The following LIN7A variants were observed in gnomAD, a reference collection of about 807,000 sequenced individuals.
The protein encoded by LIN7A is protein lin-7 homolog A.
In LIN7A, 25 loss-of-function variants were observed where a neutral mutation model predicts 29.8. That is an observed-to-expected ratio of 0.84 (90% CI 0.61 to 1.17). LIN7A has a LOEUF of 1.17. LIN7A is among the 50% of genes most tolerant of loss of function. The pLI is 0.00. For synonymous variants in LIN7A, 118 were observed against 107.5 expected, an observed-to-expected ratio of 1.10 and a Z score of -0.60; for missense variants, 239 against 287.0, an observed-to-expected ratio of 0.83 and a Z score of 1.21.
At chr12:80,800,694 T>C (rs887303500) in intron 5 of LIN7A, among the ~76,000 whole-genome samples, 12 of 152,112 alleles carry the variant, frequency 7.9e-5, no homozygotes, top group African/African-American at 2.9e-4. Context: ...CAATTGTCTA[T>C]AATTGCTTTC....
intron 1 of LIN7A, among the ~76,000 whole-genome samples, chr12:80,895,398 A>C (rs183235344): frequency 6.6e-6 from 1 of 152,344 alleles, no homozygotes; most frequent in Admixed American, 6.5e-5. Flanking sequence ...CATGAACTCG[A>C]TTGACATTTA....
At chr12:80,882,835 T>C (rs1875131531) in intron 2 of LIN7A, among the ~76,000 whole-genome samples, 1 of 152,188 alleles carries the variant, frequency 6.6e-6, no homozygotes, top group African/African-American at 2.4e-5. Flanking sequence ...TTTCTGACAA[T>C]CCTATGTAGT....
intron 2 of LIN7A, among the ~76,000 whole-genome samples, chr12:80,880,788 G>GAC (rs150440166): frequency 3.2e-3 from 394 of 122,538 alleles, no homozygotes; most frequent in Middle Eastern, 0.027. Flanking sequence ...CACACACACA[G>GAC]ACACACACAC....
intron 2 of LIN7A, among the ~76,000 whole-genome samples, chr12:80,888,208 A>T (rs1484142482): frequency 2.6e-5 from 4 of 152,176 alleles, no homozygotes; most frequent in African/African-American, 9.6e-5. Flanking sequence ...CCTGATAAAT[A>T]TTTAGCACAA....
At chr12:80,936,099 A>T (rs146436490) in intron 1 of LIN7A, among the ~76,000 whole-genome samples, 4 of 152,306 alleles carry the variant, frequency 2.6e-5, no homozygotes, top group East Asian at 3.9e-4. Flanking sequence ...GGAAGCTCAT[A>T]GTTTCTGATA....
At position 80,912,953 on chromosome 12, in the gene LIN7A, A is replaced by G. The variant is rs542672016; in HGVS notation, c.83-23584T>C. Among the ~76,000 whole-genome samples, 438 of 152,274 alleles carry G rather than the reference A, an allele frequency of 2.9e-3. 4 individuals are homozygous for G. The highest frequency in any genetic ancestry group is 3.9e-3 in the Non-Finnish European group (264 of 68,018). On this transcript the variant is annotated intron_variant, in intron 1 of 5. Transcript: ENST00000552864. ...AAAACACTCATGTTTCTTATTAAAA[A>G]TGTTCAGAATTTATTGTTTTTATTT...
At chr12:80,927,155 C>CTTTTTTTTTTTTTTTTTTTTTTT (rs929026269) in intron 1 of LIN7A, among the ~76,000 whole-genome samples, 1 of 75,532 alleles carries the variant, frequency 1.3e-5, no homozygotes, top group Non-Finnish European at 2.3e-5. Flanking sequence ...TTTTCTTTTT[C>CTTTTTTTTTTTTTTTTTTTTTTT]TTTTTTTTTT....
intron 4 of LIN7A, among the ~76,000 whole-genome samples, chr12:80,826,150 A>AT (rs1253222181): frequency 5.9e-5 from 9 of 152,238 alleles, no homozygotes; most frequent in Middle Eastern, 3.2e-3. Context: ...ATTGTCCAAT[A>AT]TCTCTGTAGC....
chr12:80,912,451 C>T (rs186732292), intron 1 of LIN7A, among the ~76,000 whole-genome samples: 2 of 152,182 alleles, frequency 1.3e-5, no homozygotes, highest in Admixed American at 6.5e-5. Context: ...CATGGTGGCT[C>T]ACACCTGTAT....
intron 2 of LIN7A, among the ~76,000 whole-genome samples, chr12:80,888,613 A>G (rs1163681): frequency 0.68 from 103,231 of 151,996 alleles, 39,068 homozygotes; most frequent in Non-Finnish European, 0.87. Context: ...TGGGTTACCA[A>G]GTAAAACAAT....
At chr12:80,889,164 C>G in intron 2 of LIN7A, 87 bp downstream of exon 2, 1 of 782,176 alleles carries the variant, frequency 1.3e-6, no homozygotes, top group Non-Finnish European at 2.3e-6. Context: ...CCAATCTTAA[C>G]AATTTCAACT....
intron 1 of LIN7A, among the ~76,000 whole-genome samples, chr12:80,902,623 A>C (rs899593966): frequency 6.6e-6 from 1 of 151,854 alleles, no homozygotes; most frequent in Non-Finnish European, 1.5e-5. Context: ...CTTTGTGGCT[A>C]TGGTAAGTGG....
chr12:80,824,739 C>T (rs533717718), intron 4 of LIN7A, among the ~76,000 whole-genome samples: 1 of 152,264 alleles, frequency 6.6e-6, no homozygotes, highest in South Asian at 2.1e-4. Context: ...TGCTACACCA[C>T]ATAAACAGAA....
chr12:80,915,517 A>G (rs905639613), intron 1 of LIN7A, among the ~76,000 whole-genome samples: 11 of 152,228 alleles, frequency 7.2e-5, no homozygotes, highest in African/African-American at 2.4e-4. Context: ...AAACCCCATT[A>G]CTGGGTATAT....
chr12:80,796,577 A>G lies in LIN7A; in HGVS notation c.*1150T>C, dbSNP rs1870459171. The G allele has an allele frequency of 6.6e-6, 1 of 152,168 alleles. No individual in the cohort carries two copies. The highest frequency in any genetic ancestry group is 1.5e-5 in the Non-Finnish European group (1 of 68,006). The allele number at this position is 152,168 out of a possible 1,614,324, so 9.4% of individuals were successfully genotyped here. On this transcript the variant is annotated 3_prime_UTR_variant, in exon 6 of 6. Coordinates refer to ENST00000552864, the MANE Select transcript of LIN7A (RefSeq NM_004664.4). ...AGCATCTGCCATTCACAATATTGAT[A>G]TCACTGGTTTCCACCTGCCCAATTA...
At position 80,848,280 on chromosome 12, in the gene LIN7A, G is replaced by A; in HGVS notation, c.244C>T (p.Pro82Ser). 1 of 1,613,294 alleles carries A rather than the reference G, an allele frequency of 6.2e-7. No individual in the cohort carries two copies. Among genetic ancestry groups the A allele is most frequent in the Non-Finnish European group, 8.5e-7 (1 of 1,179,466 alleles). ...GCTGTTGCCCTCGCACGGAATTCGG[G>A]ACAGCCATTAACAGTTATCGTTTCA... ...MHETITVNGC[P>S]EFRARATAKA... The change falls in exon 3 of 6, where the codon CCC becomes TCC. Residue 82 changes from proline to serine, a missense_variant. Transcript: ENST00000552864.
intron 2 of LIN7A, among the ~76,000 whole-genome samples, chr12:80,867,841 T>C (rs1406832111): frequency 2.6e-5 from 4 of 152,200 alleles, no homozygotes; most frequent in African/African-American, 9.6e-5. Flanking sequence ...TATTTTCAAT[T>C]TGTGCCTCGC....
At chr12:80,859,172 T>C (rs7296871) in intron 2 of LIN7A, among the ~76,000 whole-genome samples, 22,433 of 152,164 alleles carry the variant, frequency 0.15, 2,924 homozygotes, top group African/African-American at 0.35. Flanking sequence ...TAATACTGCA[T>C]CATAAATGAA....
At chr12:80,833,874 C>A (rs958244008) in intron 4 of LIN7A, among the ~76,000 whole-genome samples, 7 of 152,142 alleles carry the variant, frequency 4.6e-5, no homozygotes, top group African/African-American at 1.7e-4. Flanking sequence ...GCTACACTGT[C>A]CACAGTACCA....
Sources: gnomAD v4.1 joint callset for allele counts (sites outside exome capture counted in the v4.1 genomes callset) on GRCh38, gnomAD v4.1.1 for gene constraint, MANE v1.5 for transcripts, NCBI Gene and HGNC (gene_info 2026-07-23, HGNC 2026-07-21) for gene names.